The following SORCS3 variants were observed in gnomAD, a reference collection of about 807,000 sequenced individuals.
SORCS3 encodes the protein VPS10 domain-containing receptor SorCS3.
A neutral mutation model predicts 146.3 loss-of-function variants in SORCS3; 57 were observed. The observed-to-expected ratio is 0.39, with a 90% CI of 0.31 to 0.49. The LOEUF (loss-of-function observed/expected upper bound fraction) is 0.49, where lower values mean the gene tolerates loss of function less well. SORCS3 is among the 20% of genes least tolerant of loss of function. The probability of loss-of-function intolerance (pLI) is 0.92; values close to 1 mark genes in which losing one functional copy is unlikely to be tolerated. For missense variants in SORCS3, 1,341 were observed against 1,575.5 expected (o/e 0.85, Z 2.52); for synonymous variants, 653 against 618.5 (o/e 1.06, Z -0.83).
chr10:104,688,513 G>A (rs557125470), intron 1 of SORCS3, among the ~76,000 whole-genome samples: 76 of 152,336 alleles, frequency 5.0e-4, no homozygotes, highest in Admixed American at 2.4e-3. Flanking sequence ...GGAGTGCAGC[G>A]GTGGGGACCG....
At chr10:104,866,534 A>G (rs1352248623) in intron 2 of SORCS3, among the ~76,000 whole-genome samples, 2 of 152,236 alleles carry the variant, frequency 1.3e-5, no homozygotes, top group Non-Finnish European at 2.9e-5. Context: ...GATTTTGAAA[A>G]CTAGATGCCT....
At chr10:104,898,562 A>G (rs572136602) in intron 2 of SORCS3, among the ~76,000 whole-genome samples, 1 of 152,208 alleles carries the variant, frequency 6.6e-6, no homozygotes, top group Admixed American at 6.5e-5. Flanking sequence ...GATATTCACT[A>G]AACCTGTTTC....
intron 4 of SORCS3, among the ~76,000 whole-genome samples, chr10:105,005,636 T>C (rs2055090615): frequency 6.6e-6 from 1 of 152,166 alleles, no homozygotes; most frequent in Non-Finnish European, 1.5e-5. Context: ...CAGAAGACTT[T>C]CATGGTTCTG....
chr10:104,712,264 C>A (rs561119294), intron 1 of SORCS3, among the ~76,000 whole-genome samples: 1 of 152,256 alleles, frequency 6.6e-6, no homozygotes, highest in East Asian at 1.9e-4. Context: ...CTGCCTGTTG[C>A]CACACAGCTA....
intron 1 of SORCS3, among the ~76,000 whole-genome samples, chr10:104,686,579 G>A (rs962665670): frequency 6.6e-6 from 1 of 152,052 alleles, no homozygotes; most frequent in South Asian, 2.1e-4. Flanking sequence ...GGAACCCTGG[G>A]GGAGAGCCAT....
intron 1 of SORCS3, among the ~76,000 whole-genome samples, chr10:104,803,317 G>T (rs1589504996): frequency 6.6e-6 from 1 of 152,276 alleles, no homozygotes; most frequent in South Asian, 2.1e-4. Context: ...GAGGAGAGCT[G>T]GTAGTCTCTG....
chr10:104,758,841 AT>A (rs1381298490), intron 1 of SORCS3, among the ~76,000 whole-genome samples: 1 of 152,128 alleles, frequency 6.6e-6, no homozygotes, highest in East Asian at 1.9e-4. Flanking sequence ...CAGGGCTGAT[AT>A]GCCTCCACAG....
chr10:104,793,595 A>C (rs1269058320), intron 1 of SORCS3, among the ~76,000 whole-genome samples: 1 of 152,178 alleles, frequency 6.6e-6, no homozygotes, highest in East Asian at 1.9e-4. Flanking sequence ...CAATGATTGA[A>C]TGAGTTGGCA....
chr10:105,107,754 A>G (rs933694084), intron 7 of SORCS3, among the ~76,000 whole-genome samples: 8 of 152,212 alleles, frequency 5.3e-5, no homozygotes, highest in Non-Finnish European at 1.2e-4. Context: ...GAAGATAGGA[A>G]AAAATATGTG....
chr10:105,083,109 A>G (rs2133735406), intron 5 of SORCS3, among the ~76,000 whole-genome samples: 1 of 152,312 alleles, frequency 6.6e-6, no homozygotes, highest in Admixed American at 6.5e-5. Context: ...ATTTTGTCCT[A>G]TAAAATTTTG....
chr10:104,990,513 C>A (rs966675346), intron 4 of SORCS3, among the ~76,000 whole-genome samples: 3 of 152,120 alleles, frequency 2.0e-5, no homozygotes, highest in African/African-American at 7.2e-5. Context: ...ATGGGGATCA[C>A]AAAACCTAGG....
intron 7 of SORCS3, among the ~76,000 whole-genome samples, chr10:105,138,342 G>A (rs560786188): frequency 5.0e-4 from 76 of 152,232 alleles, no homozygotes; most frequent in Middle Eastern, 3.4e-3. Flanking sequence ...AGGAGAGATG[G>A]GTGGCTTCAG....
intron 14 of SORCS3, among the ~76,000 whole-genome samples, chr10:105,180,652 A>T (rs545423668): frequency 1.3e-5 from 2 of 152,194 alleles, no homozygotes; most frequent in Middle Eastern, 3.4e-3. Flanking sequence ...TAGAGTCTAA[A>T]CTCATAGAAT....
At chr10:104,854,704 C>A (rs1374193857) in intron 2 of SORCS3, among the ~76,000 whole-genome samples, 1 of 152,124 alleles carries the variant, frequency 6.6e-6, no homozygotes, top group Non-Finnish European at 1.5e-5. Context: ...TATAATCACA[C>A]CTACCTCCCT....
intron 3 of SORCS3, among the ~76,000 whole-genome samples, chr10:104,921,039 A>G (rs191805916): frequency 2.6e-5 from 4 of 152,356 alleles, no homozygotes; most frequent in Admixed American, 2.6e-4. Flanking sequence ...ATAGTATATT[A>G]GCTCTGGAAG....
chr10:105,242,867 T>A lies in SORCS3; in HGVS notation c.2869-2675T>A, dbSNP rs1348656521. Among the ~76,000 whole-genome samples, 10 of 107,094 alleles carry A rather than the reference T, an allele frequency of 9.3e-5. No individual in the cohort carries two copies. In the East Asian group the frequency reaches 1.0e-3, roughly 11 times the overall value. The allele number at this position is 107,094 out of a possible 152,430, so 70.3% of individuals were successfully genotyped here. On this transcript the variant is annotated intron_variant, in intron 20 of 26. Transcript: ENST00000369701. ...TTTTATATATAAATTATATATATATTTTTATATATAAATTATATATAATAT... is the reference window on the plus strand; with the variant it reads ...TTTTATATATAAATTATATATATATATTTATATATAAATTATATATAATAT...
intron 1 of SORCS3, among the ~76,000 whole-genome samples, chr10:104,702,416 TG>T (rs1168322880): frequency 6.6e-6 from 1 of 152,164 alleles, no homozygotes; most frequent in Non-Finnish European, 1.5e-5. Context: ...CCTGAGTAGC[TG>T]GGAATACAGG....
chr10:104,707,919 A>T (rs2016357429), intron 1 of SORCS3, among the ~76,000 whole-genome samples: 1 of 152,170 alleles, frequency 6.6e-6, no homozygotes, highest in Non-Finnish European at 1.5e-5. Context: ...CAGATCTTTT[A>T]TTGAAGAGAA....
chr10:104,692,306 C>A (rs1347084258), intron 1 of SORCS3, among the ~76,000 whole-genome samples: 2 of 152,168 alleles, frequency 1.3e-5, no homozygotes, highest in Non-Finnish European at 2.9e-5. Flanking sequence ...GACTGTCAGC[C>A]TTCTCGTCAT....
Sources: allele counts gnomAD v4.1 joint callset (sites outside exome capture counted in the v4.1 genomes callset), GRCh38; gene constraint gnomAD v4.1.1; transcripts MANE v1.5; gene names NCBI Gene and HGNC (gene_info 2026-07-23, HGNC 2026-07-21).